Variants in SAMD12 observed in about 807,000 individuals in gnomAD.
SAMD12 encodes the protein sterile alpha motif domain-containing protein 12.
In SAMD12, 9 loss-of-function variants were observed where a neutral mutation model predicts 15.0. The observed-to-expected ratio is 0.60, with a 90% CI of 0.36 to 1.05. The LOEUF is 1.05. Among genes scored for constraint, SAMD12 ranks in the 50% least tolerant of loss-of-function variants. The probability of loss-of-function intolerance (pLI) is 0.01; values close to 1 mark genes in which losing one functional copy is unlikely to be tolerated. For missense variants in SAMD12, 230 were observed against 234.2 expected, an observed-to-expected ratio of 0.98 and a Z score of 0.12; for synonymous variants, 86 against 90.1, an observed-to-expected ratio of 0.96 and a Z score of 0.25.
At chr8:118,286,232 GGGGCA>G (rs1314848536) in intron 4 of SAMD12, among the ~76,000 whole-genome samples, 4 of 151,572 alleles carry the variant, frequency 2.6e-5, no homozygotes, top group African/African-American at 9.7e-5. Flanking sequence ...CGAGTTAATG[GGGGCA>G]GCACACCAAC....
At chr8:118,158,068 C>G in the SAMD12 span, among the ~76,000 whole-genome samples, 1 of 152,152 alleles carries the variant, frequency 6.6e-6, no homozygotes, top group Non-Finnish European at 1.5e-5. Context: ...AGCTTTCAAG[C>G]AGCTATAGTT....
At chr8:118,391,116 C>A (rs1820253095) in intron 3 of SAMD12, among the ~76,000 whole-genome samples, 1 of 152,058 alleles carries the variant, frequency 6.6e-6, no homozygotes, top group African/African-American at 2.4e-5. Flanking sequence ...CATGTGATTA[C>A]CAAATCCCAT....
intron 2 of SAMD12, among the ~76,000 whole-genome samples, chr8:118,544,144 C>A (rs1476358133): frequency 6.6e-6 from 1 of 152,120 alleles, no homozygotes; most frequent in Non-Finnish European, 1.5e-5. Flanking sequence ...CTCATTCCAA[C>A]CTTTTCCTGG....
chr8:118,501,189 T>G (rs1174390454), intron 2 of SAMD12, among the ~76,000 whole-genome samples: 3 of 152,222 alleles, frequency 2.0e-5, no homozygotes, highest in Non-Finnish European at 4.4e-5. Flanking sequence ...TCATCCAAGC[T>G]TTAGAAACTG....
intron 2 of SAMD12, among the ~76,000 whole-genome samples, chr8:118,575,739 T>C (rs1827130948): frequency 6.6e-6 from 1 of 152,206 alleles, no homozygotes; most frequent in South Asian, 2.1e-4. Context: ...AAACCCTTAT[T>C]TGACAGGCAT....
intron 2 of SAMD12, among the ~76,000 whole-genome samples, chr8:118,501,481 A>T (rs531835650): frequency 7.9e-5 from 12 of 152,352 alleles, no homozygotes; most frequent in Admixed American, 2.6e-4. Context: ...AAAAATTTTT[A>T]AAATGTCTCA....
At chr8:118,181,049 T>TA in the SAMD12 span, among the ~76,000 whole-genome samples, 4,498 of 152,240 alleles carry the variant, frequency 0.03, 86 homozygotes, top group South Asian at 0.074. Flanking sequence ...AATTTTGTAT[T>TA]AAATTTTTTT....
chr8:118,564,470 A>T (rs1563586888), intron 2 of SAMD12, among the ~76,000 whole-genome samples: 1 of 152,224 alleles, frequency 6.6e-6, no homozygotes, highest in Non-Finnish European at 1.5e-5. Context: ...GACCCAGGAG[A>T]AAAGTTCTAA....
At chr8:118,245,543 A>G (rs1414945503) in intron 4 of SAMD12, among the ~76,000 whole-genome samples, 1 of 152,118 alleles carries the variant, frequency 6.6e-6, no homozygotes, top group Non-Finnish European at 1.5e-5. Context: ...GAGAGATTAA[A>G]TCATTTGGGC....
chr8:118,549,301 C>A (rs1322454461), intron 2 of SAMD12, among the ~76,000 whole-genome samples: 2 of 152,216 alleles, frequency 1.3e-5, no homozygotes, highest in Non-Finnish European at 2.9e-5. Context: ...AAACTGACAC[C>A]TCACACAGCC....
At chr8:118,144,864 T>C in the SAMD12 span, among the ~76,000 whole-genome samples, 7,877 of 152,310 alleles carry the variant, frequency 0.052, 312 homozygotes, top group South Asian at 0.19. Flanking sequence ...TAAAAATCCA[T>C]ATAGTCTCCA....
At chr8:118,401,834 C>A (rs796704492) in intron 3 of SAMD12, among the ~76,000 whole-genome samples, 3 of 152,272 alleles carry the variant, frequency 2.0e-5, no homozygotes, top group African/African-American at 7.2e-5. Context: ...CAAATATCTA[C>A]TAAATGTGCT....
chr8:118,553,210 G>C (rs936687723), intron 2 of SAMD12, among the ~76,000 whole-genome samples: 1 of 152,012 alleles, frequency 6.6e-6, no homozygotes, highest in Non-Finnish European at 1.5e-5. Flanking sequence ...CCAAAAAAAA[G>C]CCCACATCGC....
intron 4 of SAMD12, among the ~76,000 whole-genome samples, chr8:118,238,572 T>C (rs560304744): frequency 6.6e-6 from 1 of 152,260 alleles, no homozygotes; most frequent in African/African-American, 2.4e-5. Context: ...CTGACTCAGC[T>C]GTTGGAATGA....
At chr8:118,423,694 C>T (rs2130852584) in intron 3 of SAMD12, among the ~76,000 whole-genome samples, 1 of 152,168 alleles carries the variant, frequency 6.6e-6, no homozygotes, top group African/African-American at 2.4e-5. Flanking sequence ...TCAGACAGCC[C>T]TGGGTTAAAA....
intron 4 of SAMD12, among the ~76,000 whole-genome samples, chr8:118,328,454 A>G (rs1816661949): frequency 6.6e-6 from 1 of 152,182 alleles, no homozygotes. Flanking sequence ...ATGTACAATT[A>G]TAAAGCAATT....
At chr8:118,392,920 G>C (rs552104526) in intron 3 of SAMD12, among the ~76,000 whole-genome samples, 14 of 152,172 alleles carry the variant, frequency 9.2e-5, no homozygotes, top group Non-Finnish European at 1.5e-4. Flanking sequence ...CCCTGGTTGA[G>C]AACCATTGGT....
the SAMD12 span, among the ~76,000 whole-genome samples, chr8:118,132,045 A>G: frequency 6.6e-6 from 1 of 152,228 alleles, no homozygotes; most frequent in Non-Finnish European, 1.5e-5. Flanking sequence ...ATTTCCACAT[A>G]TACACTTACA....
rs929126627 is a variant in SAMD12, at chr8:118,604,220, A to G, written c.13+17584T>C. 2.6e-5 allele frequency among the ~76,000 whole-genome samples: 4 copies of G among 152,214 alleles called. No individual in the cohort carries two copies. In the East Asian group the frequency reaches 7.7e-4, roughly 29 times the overall value. ...AAGTACAATGTTGTCAGCATCAGAG[A>G]GAATGTTTATAAGCCACAATACTTG... On this transcript the variant is annotated intron_variant, in intron 1 of 3. Coordinates refer to ENST00000314727, the MANE Select transcript of SAMD12 (RefSeq NM_207506.3).
Sources: allele counts gnomAD v4.1 joint callset (sites outside exome capture counted in the v4.1 genomes callset), GRCh38; gene constraint gnomAD v4.1.1; transcripts MANE v1.5; gene names NCBI Gene and HGNC (gene_info 2026-07-23, HGNC 2026-07-21).